HMGA2: variants seen among roughly 807,000 people sequenced by gnomAD.
The protein encoded by HMGA2 is high mobility group protein HMGI-C.
Under a neutral mutation model 19.1 loss-of-function variants are expected in HMGA2, and 8 were observed. The observed-to-expected ratio is 0.42, with a 90% confidence interval of 0.25 to 0.76. HMGA2 has a LOEUF of 0.76. HMGA2 is among the 30% of genes least tolerant of loss of function. HMGA2 has a pLI of 0.28. For synonymous variants in HMGA2, 60 were observed against 48.8 expected, an observed-to-expected ratio of 1.23 and a Z score of -0.96; for missense variants, 109 against 136.3, an observed-to-expected ratio of 0.80 and a Z score of 1.00.
intron 2 of HMGA2, among the ~76,000 whole-genome samples, chr12:65,834,933 G>C (rs1403028169): frequency 1.3e-5 from 2 of 152,058 alleles, no homozygotes; most frequent in African/African-American, 2.4e-5. Flanking sequence ...ATATTAATGA[G>C]GGCAAACAAG....
chr12:65,962,148 T>G (rs918077277), intron 4 of HMGA2, among the ~76,000 whole-genome samples: 1 of 152,216 alleles, frequency 6.6e-6, no homozygotes, highest in Non-Finnish European at 1.5e-5. Context: ...CCCCCAGATC[T>G]TTTTCACATG....
intron 2 of HMGA2, among the ~76,000 whole-genome samples, chr12:65,835,457 T>G (rs1464076172): frequency 1.3e-5 from 2 of 152,218 alleles, no homozygotes; most frequent in East Asian, 1.9e-4. Context: ...TTCTTCTAGA[T>G]GTAGTCTCAG....
intron 3 of HMGA2, among the ~76,000 whole-genome samples, chr12:65,930,245 T>A (rs1875660894): frequency 6.6e-6 from 1 of 152,140 alleles, no homozygotes; most frequent in Non-Finnish European, 1.5e-5. Flanking sequence ...TTAGAAAGGG[T>A]CTATTGAACT....
chr12:65,924,285 T>G (rs1875426534), intron 3 of HMGA2, among the ~76,000 whole-genome samples: 2 of 152,240 alleles, frequency 1.3e-5, no homozygotes, highest in African/African-American at 4.8e-5. Flanking sequence ...CCCATTGTTC[T>G]TTTTGCTGTA....
chr12:65,838,048 G>A (rs1870808226), intron 2 of HMGA2, among the ~76,000 whole-genome samples: 1 of 152,060 alleles, frequency 6.6e-6, no homozygotes, highest in African/African-American at 2.4e-5. Flanking sequence ...ACCAATATAG[G>A]TAGAAGAGCT....
chr12:65,846,973 C>T (rs1303037668), intron 3 of HMGA2, among the ~76,000 whole-genome samples: 1 of 152,092 alleles, frequency 6.6e-6, no homozygotes, highest in Admixed American at 6.5e-5. Flanking sequence ...GAATTTAAGT[C>T]CTTCCATAGA....
At chr12:65,887,023 C>T (rs966156036) in intron 3 of HMGA2, among the ~76,000 whole-genome samples, 8 of 152,056 alleles carry the variant, frequency 5.3e-5, no homozygotes, top group African/African-American at 1.9e-4. Context: ...ATGCATGTTC[C>T]CCATGGCTCA....
chr12:65,920,624 G>A (rs1318487491), intron 3 of HMGA2, among the ~76,000 whole-genome samples: 4 of 152,138 alleles, frequency 2.6e-5, no homozygotes, highest in Admixed American at 6.5e-5. Flanking sequence ...AGTCTCACAA[G>A]ATCTGATGGG....
At chr12:65,933,427 C>T (rs1157614790) in intron 3 of HMGA2, among the ~76,000 whole-genome samples, 1 of 152,172 alleles carries the variant, frequency 6.6e-6, no homozygotes, top group Non-Finnish European at 1.5e-5. Flanking sequence ...GTCCTTTAAG[C>T]ATAAGCGATG....
chr12:65,879,046 T>C (rs1447446896), intron 3 of HMGA2, among the ~76,000 whole-genome samples: 2 of 152,236 alleles, frequency 1.3e-5, no homozygotes. Context: ...ATCCTTCCAT[T>C]TTTGACACAT....
intron 3 of HMGA2, among the ~76,000 whole-genome samples, chr12:65,849,372 C>T (rs536338134): frequency 6.6e-6 from 1 of 152,280 alleles, no homozygotes; most frequent in African/African-American, 2.4e-5. Context: ...ACATTCTTGG[C>T]ACTGGATGCA....
chr12:65,883,393 T>G (rs946960633), intron 3 of HMGA2, among the ~76,000 whole-genome samples: 4 of 152,330 alleles, frequency 2.6e-5, no homozygotes, highest in Admixed American at 1.3e-4. Context: ...CTTGAGCCCT[T>G]ACTGGGTGTC....
chr12:65,908,145 A>G (rs1874684292), intron 3 of HMGA2, among the ~76,000 whole-genome samples: 1 of 152,198 alleles, frequency 6.6e-6, no homozygotes, highest in Non-Finnish European at 1.5e-5. Flanking sequence ...GTTGAAGATT[A>G]ATTTATTTTC....
chr12:65,958,807 C>A (rs1245696434), intron 4 of HMGA2: 2 of 151,918 alleles, frequency 1.3e-5, no homozygotes, highest in African/African-American at 2.4e-5. Flanking sequence ...GTATTTCTGG[C>A]CTGCAACATC....
intron 4 of HMGA2, chr12:65,958,099 G>A (rs1373298783): frequency 6.6e-6 from 1 of 152,194 alleles, no homozygotes; most frequent in African/African-American, 2.4e-5. Context: ...CGGTGGGACT[G>A]AGACCTGCTA....
chr12:65,949,344 C>G (rs1876376304), intron 3 of HMGA2, among the ~76,000 whole-genome samples: 1 of 151,244 alleles, frequency 6.6e-6, no homozygotes, highest in Admixed American at 6.6e-5. Context: ...ACCACTGTAC[C>G]ACTGAGAGGA....
At chr12:65,931,680 T>A (rs1431208234) in intron 3 of HMGA2, among the ~76,000 whole-genome samples, 2 of 152,008 alleles carry the variant, frequency 1.3e-5, no homozygotes, top group Admixed American at 6.6e-5. Context: ...TGTCCCTTTC[T>A]CCTCTAAAAC....
intron 3 of HMGA2, among the ~76,000 whole-genome samples, chr12:65,938,307 T>C (rs565162988): frequency 1.3e-5 from 2 of 152,338 alleles, no homozygotes; most frequent in East Asian, 3.9e-4. Flanking sequence ...TTATGTTAAG[T>C]AAATAATATC....
intron 2 of HMGA2, among the ~76,000 whole-genome samples, chr12:65,833,315 A>G (rs896496364): frequency 3.3e-5 from 5 of 152,128 alleles, no homozygotes; most frequent in Admixed American, 2.0e-4. Context: ...CAACTGAAGG[A>G]AATAAAATGT....
Sources: gnomAD v4.1 joint callset for allele counts (sites outside exome capture counted in the v4.1 genomes callset) on GRCh38, gnomAD v4.1.1 for gene constraint, MANE v1.5 for transcripts, NCBI Gene and HGNC (gene_info 2026-07-23, HGNC 2026-07-21) for gene names.